Variants in PTPRD observed in about 807,000 individuals in gnomAD.
The protein encoded by PTPRD is receptor-type tyrosine-protein phosphatase delta.
PTPRD carries 34 observed loss-of-function variants against 214.5 expected under a neutral mutation model. The ratio of observed to expected loss-of-function variants is 0.16; its 90% CI spans 0.12 to 0.21. PTPRD has a LOEUF of 0.21. PTPRD is among the 10% of genes least tolerant of loss of function. The probability of loss-of-function intolerance (pLI) is 1.00; values close to 1 mark genes in which losing one functional copy is unlikely to be tolerated. For synonymous variants in PTPRD, 1,128 were observed against 845.7 expected (o/e 1.33, Z -5.79); for missense variants, 2,545 against 2,398.7 (o/e 1.06, Z -1.27).
At chr9:9,325,793 A>T (rs1294693388) in intron 9 of PTPRD, among the ~76,000 whole-genome samples, 1 of 152,182 alleles carries the variant, frequency 6.6e-6, no homozygotes, top group Non-Finnish European at 1.5e-5. Flanking sequence ...GAATGCTTCC[A>T]GTTTTTGCCC....
chr9:9,038,081 C>T (rs1354062033), intron 10 of PTPRD, among the ~76,000 whole-genome samples: 1 of 152,158 alleles, frequency 6.6e-6, no homozygotes, highest in African/African-American at 2.4e-5. Context: ...AGATTTGTTC[C>T]TTTCCCCTTT....
At chr9:10,461,621 CTT>C (rs745654705) in intron 2 of PTPRD, among the ~76,000 whole-genome samples, 58 of 132,950 alleles carry the variant, frequency 4.4e-4, no homozygotes, top group Admixed American at 4.6e-4. Flanking sequence ...GCATGACATT[CTT>C]TTTTTTTTTT....
At chr9:10,450,237 T>A (rs918500984) in intron 2 of PTPRD, among the ~76,000 whole-genome samples, 13 of 150,046 alleles carry the variant, frequency 8.7e-5, no homozygotes, top group African/African-American at 3.2e-4. Flanking sequence ...GAATGATCAA[T>A]AAATACTAAA....
intron 8 of PTPRD, among the ~76,000 whole-genome samples, chr9:9,424,505 G>C (rs2080077917): frequency 6.6e-6 from 1 of 152,132 alleles, no homozygotes; most frequent in Admixed American, 6.6e-5. Context: ...AGAAAATGCT[G>C]TTGCTTGTAC....
At chr9:9,265,835 A>T (rs1174979145) in intron 9 of PTPRD, among the ~76,000 whole-genome samples, 1 of 151,540 alleles carries the variant, frequency 6.6e-6, no homozygotes. Context: ...AGGACTGATA[A>T]AACAACCAGG....
intron 2 of PTPRD, among the ~76,000 whole-genome samples, chr9:10,389,161 A>C (rs2097997871): frequency 6.6e-6 from 1 of 151,848 alleles, no homozygotes; most frequent in South Asian, 2.1e-4. Context: ...TTATGTGTAC[A>C]TAGAGGCTGC....
chr9:9,772,883 C>G (rs144705485), intron 5 of PTPRD, among the ~76,000 whole-genome samples: 3 of 152,088 alleles, frequency 2.0e-5, no homozygotes, highest in South Asian at 4.1e-4. Context: ...TCTCTCAAAA[C>G]GACACATTCA....
chr9:9,975,239 C>A (rs2095310352), intron 4 of PTPRD, among the ~76,000 whole-genome samples: 1 of 152,186 alleles, frequency 6.6e-6, no homozygotes, highest in African/African-American at 2.4e-5. Flanking sequence ...CTTTATTTTT[C>A]TTTATCTAGA....
chr9:9,892,040 ATTTACT>A (rs2073506807), intron 5 of PTPRD, among the ~76,000 whole-genome samples: 1 of 152,126 alleles, frequency 6.6e-6, no homozygotes. Flanking sequence ...CTAAACTAAA[ATTTACT>A]TTTAATTTCT....
intron 10 of PTPRD, among the ~76,000 whole-genome samples, chr9:9,168,504 A>T (rs1290070705): frequency 6.6e-6 from 1 of 152,142 alleles, no homozygotes; most frequent in African/African-American, 2.4e-5. Context: ...AAAATATCCC[A>T]TGGTGTTATA....
chr9:9,058,741 G>A (rs996655405), intron 10 of PTPRD, among the ~76,000 whole-genome samples: 10 of 151,892 alleles, frequency 6.6e-5, no homozygotes, highest in Non-Finnish European at 1.3e-4. Flanking sequence ...GAGCCACCGC[G>A]CCCGGCCGAG....
chr9:8,735,564 G>A (rs2090071252), intron 11 of PTPRD, among the ~76,000 whole-genome samples: 1 of 152,184 alleles, frequency 6.6e-6, no homozygotes, highest in Admixed American at 6.6e-5. Flanking sequence ...CCTTCTGGTT[G>A]AAGTCATGGG....
intron 14 of PTPRD, among the ~76,000 whole-genome samples, chr9:8,560,690 C>A (rs746196455): frequency 9.9e-5 from 15 of 151,966 alleles, no homozygotes; most frequent in Non-Finnish European, 1.5e-4. Flanking sequence ...CAAACAGGAC[C>A]CTTTAAAGAC....
chr9:10,500,639 C>A (rs1034169610), intron 2 of PTPRD, among the ~76,000 whole-genome samples: 1 of 151,740 alleles, frequency 6.6e-6, no homozygotes, highest in Non-Finnish European at 1.5e-5. Context: ...AATAATGGAT[C>A]TTTTCATCCT....
At chr9:9,444,181 C>T (rs75445758) in intron 8 of PTPRD, among the ~76,000 whole-genome samples, 3,050 of 152,118 alleles carry the variant, frequency 0.02, 102 homozygotes, top group African/African-American at 0.068. Flanking sequence ...CTTTGGATTT[C>T]GTGCATCTAC....
At chr9:9,991,542 G>A (rs2095923188) in intron 4 of PTPRD, among the ~76,000 whole-genome samples, 2 of 151,774 alleles carry the variant, frequency 1.3e-5, no homozygotes, top group South Asian at 4.2e-4. Flanking sequence ...TGTATTTTTA[G>A]TAGAGATGGG....
rs556551005 is a variant in PTPRD at position 8,902,412 on chromosome 9, G to C, written c.-104+116285C>G. 7.4e-5 allele frequency among the ~76,000 whole-genome samples: 11 copies of C among 148,130 alleles called. No homozygotes were observed. In the East Asian group the frequency reaches 2.2e-3, roughly 30 times the overall value. ...GGCTGGAGTGCAGAGGTGTGATCTT[G>C]GCTAACTGTAACCTCCGCCTCCTGG... On this transcript the variant is annotated intron_variant, in intron 11 of 45. Transcript: ENST00000381196.
intron 12 of PTPRD, among the ~76,000 whole-genome samples, chr9:8,727,030 G>C (rs1309822469): frequency 2.0e-5 from 3 of 151,432 alleles, no homozygotes; most frequent in African/African-American, 7.3e-5. Context: ...CAGAATGAGA[G>C]GAAAATTAAA....
At chr9:8,780,652 A>G (rs1471550259) in intron 11 of PTPRD, among the ~76,000 whole-genome samples, 1 of 152,226 alleles carries the variant, frequency 6.6e-6, no homozygotes, top group Non-Finnish European at 1.5e-5. Context: ...CAGTAGAATG[A>G]AAAACTAGAC....
Sources: gnomAD v4.1 joint callset for allele counts (sites outside exome capture counted in the v4.1 genomes callset) on GRCh38, gnomAD v4.1.1 for gene constraint, MANE v1.5 for transcripts, NCBI Gene and HGNC (gene_info 2026-07-23, HGNC 2026-07-21) for gene names.